The following LOC400499 variants were observed in gnomAD, a reference collection of about 807,000 sequenced individuals.
the LOC400499 span, among the ~76,000 whole-genome samples, chr16:11,477,456 T>TGA: frequency 2.0e-5 from 3 of 152,218 alleles, no homozygotes; most frequent in Non-Finnish European, 4.4e-5. Flanking sequence ...TTTCCTCATC[T>TGA]GTCAGTGGGA....
At chr16:11,387,354 G>A in the LOC400499 span, 7 of 1,205,280 alleles carry the variant, frequency 5.8e-6, no homozygotes, top group South Asian at 2.1e-4. Flanking sequence ...TCCCTTGGCT[G>A]CAGAGGGGAG....
At chr16:11,494,325 A>C in the LOC400499 span, among the ~76,000 whole-genome samples, 2 of 125,418 alleles carry the variant, frequency 1.6e-5, no homozygotes, top group African/African-American at 3.0e-5. Context: ...TCCCCCCTTC[A>C]CCCCACCCCC....
At chr16:11,462,035 G>A in the LOC400499 span, 2 of 1,229,750 alleles carry the variant, frequency 1.6e-6, no homozygotes, top group African/African-American at 1.5e-5. Context: ...CTGCAGTGAT[G>A]AGGACCATAA....
the LOC400499 span, among the ~76,000 whole-genome samples, chr16:11,527,138 A>G: frequency 6.6e-6 from 1 of 152,212 alleles, no homozygotes; most frequent in Non-Finnish European, 1.5e-5. Flanking sequence ...CAGCGGCCAG[A>G]GCAGGACCAG....
At chr16:11,445,879 G>A in the LOC400499 span, among the ~76,000 whole-genome samples, 1 of 151,770 alleles carries the variant, frequency 6.6e-6, no homozygotes, top group African/African-American at 2.4e-5. Flanking sequence ...TGTGGCCCAG[G>A]CTGGAATGCA....
the LOC400499 span, chr16:11,442,567 T>C: frequency 6.6e-6 from 1 of 152,116 alleles, no homozygotes; most frequent in Non-Finnish European, 1.5e-5. Context: ...TATATGAAAC[T>C]AAACGACTGC....
chr16:11,395,829 C>T, the LOC400499 span, among the ~76,000 whole-genome samples: 125,875 of 152,136 alleles, frequency 0.83, 52,710 homozygotes, highest in Admixed American at 0.89. Context: ...GCCTTGGCTA[C>T]GCAGGCAGCG....
the LOC400499 span, chr16:11,478,548 G>A: frequency 5.0e-6 from 2 of 398,918 alleles, no homozygotes; most frequent in African/African-American, 2.1e-5. Context: ...GCTTGATGGC[G>A]AGCTCGGCCA....
chr16:11,476,163 C>T, the LOC400499 span, among the ~76,000 whole-genome samples: 1 of 110,622 alleles, frequency 9.0e-6, no homozygotes, highest in African/African-American at 3.6e-5. Context: ...TAGAGGGGGA[C>T]GGTGAGTGAG....
the LOC400499 span, among the ~76,000 whole-genome samples, chr16:11,474,021 T>C: frequency 6.4e-4 from 97 of 152,272 alleles, no homozygotes; most frequent in Non-Finnish European, 9.4e-4. Flanking sequence ...GCCCGGCTAA[T>C]TTGTTAATTT....
the LOC400499 span, among the ~76,000 whole-genome samples, chr16:11,386,697 G>C: frequency 3.3e-5 from 5 of 152,186 alleles, no homozygotes; most frequent in Non-Finnish European, 7.3e-5. Context: ...TTTCATGGTG[G>C]AGGAAACCGA....
chr16:11,451,371 G>A, the LOC400499 span, among the ~76,000 whole-genome samples: 4 of 152,198 alleles, frequency 2.6e-5, no homozygotes, highest in African/African-American at 9.7e-5. Context: ...CTTGAGTCTA[G>A]GAGTTTGAGT....
At chr16:11,490,385 G>C in the LOC400499 span, among the ~76,000 whole-genome samples, 1 of 129,010 alleles carries the variant, frequency 7.8e-6, no homozygotes, top group African/African-American at 3.1e-5. Flanking sequence ...AACAGAGTGA[G>C]ACTCTGTCTC....
At chr16:11,392,651 A>T in the LOC400499 span, 1 of 667,816 alleles carries the variant, frequency 1.5e-6, no homozygotes, top group Non-Finnish European at 2.1e-6. Context: ...TAGAGCAACC[A>T]CCTGAGCCAC....
At chr16:11,507,353 T>A in the LOC400499 span, among the ~76,000 whole-genome samples, 14,269 of 152,092 alleles carry the variant, frequency 0.094, 1,946 homozygotes, top group African/African-American at 0.3. Flanking sequence ...ACATTGCACG[T>A]GACAGCCTCC....
chr16:11,488,952 C>A, the LOC400499 span: 1 of 397,424 alleles, frequency 2.5e-6, no homozygotes. Context: ...CCCTCCCGAC[C>A]CCCATCCCAG....
At chr16:11,417,841 T>C in the LOC400499 span, 3 of 398,740 alleles carry the variant, frequency 7.5e-6, no homozygotes, top group East Asian at 1.1e-4. Context: ...CACAGAGACC[T>C]GGAATGACAC....
chr16:11,502,603 A>G, the LOC400499 span, among the ~76,000 whole-genome samples: 1 of 151,640 alleles, frequency 6.6e-6, no homozygotes, highest in Non-Finnish European at 1.5e-5. Flanking sequence ...CTTTTCCTAC[A>G]TAATATACAT....
the LOC400499 span, among the ~76,000 whole-genome samples, chr16:11,452,944 G>A: frequency 2.9e-4 from 44 of 152,276 alleles, no homozygotes; most frequent in African/African-American, 1.0e-3. Context: ...TCTGGTTCTT[G>A]GTTTCTTTTT....
Sources: allele counts gnomAD v4.1 joint callset (sites outside exome capture counted in the v4.1 genomes callset), GRCh38; gene constraint gnomAD v4.1.1; transcripts MANE v1.5.